Variants in EIF4E2 observed in about 807,000 individuals in gnomAD.
EIF4E2 encodes the protein eukaryotic translation initiation factor 4E family member 2.
In EIF4E2, 13 loss-of-function variants were observed where a neutral mutation model predicts 34.2. The ratio of observed to expected loss-of-function variants is 0.38; its 90% CI spans 0.25 to 0.60. EIF4E2 has a LOEUF of 0.60. EIF4E2 is among the 20% of genes least tolerant of loss of function. The pLI, the probability that EIF4E2 is intolerant of heterozygous loss-of-function variation, is 0.62. For synonymous variants in EIF4E2, 100 were observed against 106.6 expected (o/e 0.94, Z 0.38); for missense variants, 222 against 315.1 (o/e 0.70, Z 2.24).
In EIF4E2 at chr2:232,567,218, C is replaced by T. The variant is rs757329456; in HGVS notation, c.665+4C>T. 5.6e-6 allele frequency: 9 copies of T among 1,614,072 alleles called. No individual in the cohort carries two copies. Among genetic ancestry groups the T allele is most frequent in the African/African-American group, 1.3e-5 (1 of 74,992 alleles). ...AAACTCACACCGACAGCATCAAGTA[C>T]GTGTTGGGGGGTTATGGGAGGACGT... On this transcript the variant is annotated splice_donor_region_variant and intron_variant, in intron 6 of 6. Coordinates refer to ENST00000258416, the MANE Select transcript of EIF4E2 (RefSeq NM_004846.4).
At chr2:232,569,330 T>C, downstream of EIF4E2, 1 of 999,032 alleles carries the variant, frequency 1.0e-6, no homozygotes, top group Non-Finnish European at 1.3e-6. Flanking sequence ...GAATGCAGCC[T>C]CATTTCCATA....
intron 1 of EIF4E2, 51 bp downstream of exon 1, chr2:232,550,795 G>C (rs1692279244): frequency 6.6e-7 from 1 of 1,504,396 alleles, no homozygotes; most frequent in Non-Finnish European, 8.9e-7. Flanking sequence ...CAGTTCCCCC[G>C]CGCCCGCCCC....
intron 6 of EIF4E2, among the ~76,000 whole-genome samples, chr2:232,576,579 A>C (rs1693227294): frequency 6.6e-6 from 1 of 152,172 alleles, no homozygotes; most frequent in African/African-American, 2.4e-5. Context: ...ACAGGCTTGG[A>C]AGTCCGTGAA....
chr2:232,567,720 A>T (rs1692985369), intron 6 of EIF4E2: 3 of 992,142 alleles, frequency 3.0e-6, no homozygotes, highest in Non-Finnish European at 3.6e-6. Flanking sequence ...TGTGTGTGTG[A>T]GAGAGCAGAA....
At chr2:232,556,751 G>A (rs182601612) in intron 2 of EIF4E2, among the ~76,000 whole-genome samples, 36 of 152,282 alleles carry the variant, frequency 2.4e-4, no homozygotes, top group Admixed American at 5.9e-4. Context: ...TGCTTTCAAC[G>A]TTCTCCTAGC....
chr2:232,580,336 AAAAG>A (rs1693321780), intron 6 of EIF4E2, among the ~76,000 whole-genome samples: 1 of 151,718 alleles, frequency 6.6e-6, no homozygotes, highest in Non-Finnish European at 1.5e-5. Context: ...GTGTTAGATA[AAAAG>A]AAAGGGGGGG....
chr2:232,563,294 A>G (rs1399519357), intron 3 of EIF4E2, among the ~76,000 whole-genome samples: 1 of 152,094 alleles, frequency 6.6e-6, no homozygotes, highest in African/African-American at 2.4e-5. Flanking sequence ...AGTCCCAGCT[A>G]CTTGGGAGGC....
chr2:232,568,167 GTAAGAA>G, intron 6 of EIF4E2: 1 of 985,276 alleles, frequency 1.0e-6, no homozygotes, highest in South Asian at 4.7e-5. Flanking sequence ...ATCATCATTA[GTAAGAA>G]TATCATCATG....
chr2:232,582,823 T>A (rs1230850457), exon 7 of EIF4E2: 1 of 151,966 alleles, frequency 6.6e-6, no homozygotes, highest in Non-Finnish European at 1.5e-5. Context: ...GTTGTTGTTG[T>A]TCAGAGTTTT....
chr2:232,561,017 C>T (rs1692704293), intron 3 of EIF4E2, among the ~76,000 whole-genome samples: 1 of 152,154 alleles, frequency 6.6e-6, no homozygotes, highest in South Asian at 2.1e-4. Context: ...ATTTCTAATA[C>T]AGGGAAGACA....
At chr2:232,580,804 C>T in intron 6 of EIF4E2, 1 of 1,084,052 alleles carries the variant, frequency 9.2e-7, no homozygotes, top group South Asian at 1.5e-5. Flanking sequence ...GTCATGGAGA[C>T]CCCGAGGGCT....
rs1692275520 is a variant in EIF4E2 at position 232,550,740 on chromosome 2, G to A, written c.16G>A (p.Asp6Asn). 1 of 1,584,744 alleles carries A rather than the reference G, an allele frequency of 6.3e-7. No individual in the cohort carries two copies. The highest frequency in any genetic ancestry group is 1.7e-4 in the Middle Eastern group (1 of 5,990). Residue 6 changes from aspartate to asparagine, a missense_variant, in exon 1 of 7, where the codon GAC becomes AAC. This residue lies in a region of EIF4E2 where 87 missense variants were observed against 93.6 expected (regional missense o/e 0.93). Coordinates refer to ENST00000258416, the MANE Select transcript of EIF4E2 (RefSeq NM_004846.4). MNNKF[D>N]ALKDDDSGDH... ...CGGCGAGAGGATGAACAACAAGTTC[G>A]ACGCGTGAGTGGCTCGTGGCCGCCC...
At chr2:232,558,198 G>A (rs1692591668) in intron 3 of EIF4E2, 180 bp downstream of exon 3, 5 of 650,984 alleles carry the variant, frequency 7.7e-6, no homozygotes, top group African/African-American at 1.8e-5. Flanking sequence ...TCCATGGTTA[G>A]CATGTAGGTA....
At chr2:232,552,094 G>A (rs934972933) in intron 1 of EIF4E2, among the ~76,000 whole-genome samples, 3 of 152,122 alleles carry the variant, frequency 2.0e-5, no homozygotes, top group Non-Finnish European at 4.4e-5. Flanking sequence ...CAAATCAAAT[G>A]TCATCCTAAG....
chr2:232,574,943 T>C (rs578051742), intron 6 of EIF4E2, among the ~76,000 whole-genome samples: 1 of 152,310 alleles, frequency 6.6e-6, no homozygotes, highest in South Asian at 2.1e-4. Flanking sequence ...AACTAAAGCA[T>C]TGACTTTGGG....
intron 6 of EIF4E2, among the ~76,000 whole-genome samples, chr2:232,579,306 C>A (rs903644845): frequency 2.6e-5 from 4 of 152,114 alleles, no homozygotes; most frequent in African/African-American, 9.7e-5. Context: ...AAGATGACCA[C>A]CCTATTAACT....
chr2:232,552,084 C>T (rs1692357002), intron 1 of EIF4E2, among the ~76,000 whole-genome samples: 1 of 152,144 alleles, frequency 6.6e-6, no homozygotes, highest in African/African-American at 2.4e-5. Flanking sequence ...CTGATTTGAA[C>T]AAATCAAATG....
chr2:232,569,166 A>C lies in EIF4E2; in HGVS notation c.*149A>C. 1 of 1,459,256 alleles carries C rather than the reference A, an allele frequency of 6.9e-7. No homozygotes were observed. The highest frequency in any genetic ancestry group is 9.0e-7 in the Non-Finnish European group (1 of 1,107,484). The allele number at this position is 1,459,256 out of a possible 1,614,324, so 90.4% of individuals were successfully genotyped here. A position where few individuals can be genotyped will look rare whatever the true frequency, so the allele number is the denominator to read the frequency against. ...TTTTAAGAACAGGCTGACACGCAGCAGCTACAACAACAGCTGAGATCACTT... is the reference window on the plus strand; with the variant it reads ...TTTTAAGAACAGGCTGACACGCAGCCGCTACAACAACAGCTGAGATCACTT... On this transcript the variant is annotated 3_prime_UTR_variant, in exon 7 of 7. Transcript: ENST00000258416.
chr2:232,582,148 T>G (rs537228527), exon 7 of EIF4E2: 1 of 152,754 alleles, frequency 6.5e-6, no homozygotes, highest in African/African-American at 2.4e-5. Flanking sequence ...GCACCTAGGA[T>G]TCAAATAAAT....
Sources: gnomAD v4.1 joint callset for allele counts (sites outside exome capture counted in the v4.1 genomes callset) on GRCh38, gnomAD v4.1.1 for gene constraint, gnomAD v4.1.1 regional missense constraint, MANE v1.5 for transcripts, NCBI Gene and HGNC (gene_info 2026-07-23, HGNC 2026-07-21) for gene names.